The following STYK1 variants were observed in gnomAD, a reference collection of about 807,000 sequenced individuals.
STYK1 encodes the protein STY kinase 1, also known as tyrosine-protein kinase STYK1.
Under a neutral mutation model 48.1 loss-of-function variants are expected in STYK1, and 46 were observed. The observed-to-expected ratio is 0.96, with a 90% confidence interval of 0.75 to 1.22. STYK1 has a LOEUF of 1.22. STYK1 is among the 50% of genes most tolerant of loss of function. The pLI, the probability that STYK1 is intolerant of heterozygous loss-of-function variation, is 0.00. For synonymous variants in STYK1, 188 were observed against 189.0 expected (o/e 0.99, Z 0.04); for missense variants, 527 against 521.1 (o/e 1.01, Z -0.11).
intron 7 of STYK1, among the ~76,000 whole-genome samples, chr12:10,627,248 G>A (rs1565559896): frequency 6.6e-6 from 1 of 152,070 alleles, no homozygotes; most frequent in Non-Finnish European, 1.5e-5. Context: ...CACCCATTCA[G>A]TTTCTCTTTC....
intron 2 of STYK1, among the ~76,000 whole-genome samples, chr12:10,636,727 GT>G (rs1297977548): frequency 6.6e-6 from 1 of 152,134 alleles, no homozygotes; most frequent in Non-Finnish European, 1.5e-5. Context: ...AGAAGTAATT[GT>G]TTTCATTCAG....
intron 5 of STYK1, among the ~76,000 whole-genome samples, chr12:10,630,488 C>T (rs1049916032): frequency 6.7e-6 from 1 of 150,260 alleles, no homozygotes; most frequent in Non-Finnish European, 1.5e-5. Context: ...AAGTAACATC[C>T]ATTGTGAAAA....
intron 1 of STYK1, among the ~76,000 whole-genome samples, chr12:10,664,099 A>G (rs1188500129): frequency 6.6e-6 from 1 of 152,152 alleles, no homozygotes; most frequent in Non-Finnish European, 1.5e-5. Flanking sequence ...AATGCATTCT[A>G]TGTGAAGCAG....
At chr12:10,656,460 A>T (rs1291614436) in intron 1 of STYK1, among the ~76,000 whole-genome samples, 2 of 152,032 alleles carry the variant, frequency 1.3e-5, no homozygotes, top group African/African-American at 4.8e-5. Context: ...CCCTGTCTCC[A>T]CTAAAATACA....
At chr12:10,670,582 G>T (rs1947880848) in intron 1 of STYK1, among the ~76,000 whole-genome samples, 1 of 151,608 alleles carries the variant, frequency 6.6e-6, no homozygotes, top group South Asian at 2.1e-4. Context: ...GAATTCGAGG[G>T]GTTAGAAAGA....
rs1388005323 is a variant in STYK1, at chr12:10,658,013, A to G, written c.-195+15953T>C. Among the ~76,000 whole-genome samples the G allele has an allele frequency of 2.0e-5, 3 of 152,234 alleles. No individual in the cohort carries two copies. In the East Asian group the frequency reaches 5.8e-4, roughly 29 times the overall value. On this transcript the variant is annotated intron_variant, in intron 1 of 10. Coordinates refer to ENST00000075503, the MANE Select transcript of STYK1 (RefSeq NM_018423.3). The stretch of plus-strand genomic sequence containing the variant: ...AAGTTATCCTCACTTAAAAGTTAGG[A>G]TGAAGCTGAAAATTTGAGCAAATTG...
At chr12:10,661,374 C>A (rs1947775102) in intron 1 of STYK1, among the ~76,000 whole-genome samples, 1 of 152,196 alleles carries the variant, frequency 6.6e-6, no homozygotes, top group Admixed American at 6.5e-5. Context: ...TGATCCGTGT[C>A]ATCTCTTCCT....
At chr12:10,625,892 T>G (rs962206559) in intron 7 of STYK1, among the ~76,000 whole-genome samples, 1 of 152,204 alleles carries the variant, frequency 6.6e-6, no homozygotes, top group Non-Finnish European at 1.5e-5. Context: ...CAAATTCTAG[T>G]ACAGCCAACA....
intron 6 of STYK1, 100 bp downstream of exon 6, chr12:10,629,393 G>A: frequency 8.9e-6 from 11 of 1,236,580 alleles, no homozygotes; most frequent in Non-Finnish European, 1.3e-5. Context: ...TGCTATTATA[G>A]TGTCTCTGCA....
At chr12:10,634,263 A>G (rs1346942961) in intron 3 of STYK1, 139 bp from the exon 4 acceptor site, 1 of 1,041,630 alleles carries the variant, frequency 9.6e-7, no homozygotes, top group African/African-American at 1.6e-5. Flanking sequence ...ACTTCCATTC[A>G]ACAGAAACAC....
chr12:10,639,969 C>T (rs765270948), intron 1 of STYK1, among the ~76,000 whole-genome samples: 15 of 152,162 alleles, frequency 9.9e-5, no homozygotes, highest in Admixed American at 2.0e-4. Context: ...GTAAGGGTGT[C>T]CATATAGGAA....
rs142912119 is a variant in STYK1 at position 10,655,234 on chromosome 12, G to A, written c.-194-18038C>T. On this transcript the variant is annotated intron_variant, in intron 1 of 10. Transcript: ENST00000075503. The stretch of plus-strand genomic sequence containing the variant: ...GGCTTGGGACTCCATAAGCTAGATA[G>A]GGTTTCTCTCTCATCTTGTTTTATA... Among the ~76,000 whole-genome samples, 116 of 152,302 alleles carry A rather than the reference G, an allele frequency of 7.6e-4. 1 individual carries two copies. In the East Asian group the frequency reaches 0.019, roughly 24 times the overall value.
chr12:10,657,375 T>C (rs1947730680), intron 1 of STYK1, among the ~76,000 whole-genome samples: 1 of 152,200 alleles, frequency 6.6e-6, no homozygotes. Flanking sequence ...TGTGTAACAT[T>C]TATATATGAA....
chr12:10,619,530 C>T lies in STYK1; in HGVS notation c.*614G>A, dbSNP rs966160519. 2 of 152,630 alleles carry T rather than the reference C, an allele frequency of 1.3e-5. No individual in the cohort carries two copies. The highest frequency in any genetic ancestry group is 4.8e-5 in the African/African-American group (2 of 41,448). The allele number at this position is 152,630 out of a possible 1,614,324, so 9.5% of individuals were successfully genotyped here. A position where few individuals can be genotyped will look rare whatever the true frequency, so the allele number is the denominator to read the frequency against. On this transcript the variant is annotated 3_prime_UTR_variant, in exon 11 of 11. Transcript: ENST00000075503. ...AAACGTAGTAACAAACAGAATTTAC[C>T]TGTCTCAGAATCAGATAAAAGGGGA...
At chr12:10,652,660 T>C (rs1947674531) in intron 1 of STYK1, among the ~76,000 whole-genome samples, 1 of 152,234 alleles carries the variant, frequency 6.6e-6, no homozygotes, top group African/African-American at 2.4e-5. Context: ...AAGCCAACTT[T>C]ACTCAAGGCC....
chr12:10,631,169 C>T lies in STYK1; in HGVS notation c.327G>A (p.Pro109=), dbSNP rs143451341. The T allele has an allele frequency of 2.7e-5, 44 of 1,614,052 alleles. No individual in the cohort carries two copies. Among genetic ancestry groups the T allele is most frequent in the East Asian group, 1.3e-4 (6 of 44,892 alleles). ...TTPALAKLQV[P]REQLSEVLEQ... ...CCAGAACTTCAGAGAGTTGCTCCCG[C>T]GGCACCTGCAGCTTAGCCAGGGCAG... The change falls in exon 5 of 11, where the codon CCG becomes CCA. Residue 109 remains proline (P), a synonymous_variant. Coordinates refer to ENST00000075503, the MANE Select transcript of STYK1 (RefSeq NM_018423.3).
At chr12:10,629,472 T>G (rs1253753746) in intron 6 of STYK1, 21 bp downstream of exon 6, 1 of 1,612,902 alleles carries the variant, frequency 6.2e-7, no homozygotes, top group Non-Finnish European at 8.5e-7. Flanking sequence ...AACCTCCTAA[T>G]ACCTCTGCCC....
chr12:10,655,899 G>T (rs1361431845), intron 1 of STYK1, among the ~76,000 whole-genome samples: 2 of 152,126 alleles, frequency 1.3e-5, no homozygotes, highest in African/African-American at 4.8e-5. Context: ...TATTTAAAAG[G>T]TTTTTATGTT....
At chr12:10,666,394 C>T (rs917918256) in intron 1 of STYK1, among the ~76,000 whole-genome samples, 14 of 152,170 alleles carry the variant, frequency 9.2e-5, no homozygotes, top group African/African-American at 3.4e-4. Context: ...ATGAATATAA[C>T]ATAATACTGT....
Sources: gnomAD v4.1 joint callset for allele counts (sites outside exome capture counted in the v4.1 genomes callset) on GRCh38, gnomAD v4.1.1 for gene constraint, MANE v1.5 for transcripts, NCBI Gene and HGNC (gene_info 2026-07-23, HGNC 2026-07-21) for gene names.